The following TPRG1 variants were observed in gnomAD, a reference collection of about 807,000 sequenced individuals.
TPRG1 encodes the protein tumor protein p63-regulated gene 1 protein.
TPRG1 carries 29 observed loss-of-function variants against 29.3 expected under a neutral mutation model. The ratio of observed to expected loss-of-function variants is 0.99; its 90% CI spans 0.74 to 1.35. The LOEUF (loss-of-function observed/expected upper bound fraction) is 1.35, where lower values mean the gene tolerates loss of function less well. Among genes scored for constraint, TPRG1 ranks in the 40% most tolerant of loss-of-function variants. TPRG1 has a pLI of 0.00. For missense variants in TPRG1, 327 were observed against 335.0 expected (o/e 0.98, Z 0.19); for synonymous variants, 130 against 116.8 (o/e 1.11, Z -0.73).
chr3:189,131,518 C>G (rs1260456288), intron 2 of TPRG1, among the ~76,000 whole-genome samples: 3 of 152,188 alleles, frequency 2.0e-5, no homozygotes, highest in Non-Finnish European at 4.4e-5. Flanking sequence ...ATTCTTCTCA[C>G]AAATGCAGTA....
chr3:189,324,573 C>G lies in TPRG1; in HGVS notation c.*3753C>G, dbSNP rs936809148. On this transcript the variant is annotated 3_prime_UTR_variant, in exon 6 of 6. Coordinates refer to ENST00000345063, the MANE Select transcript of TPRG1 (RefSeq NM_198485.4). ...GATTTCCTATCTGATAAAAAAAGCC[C>G]AAACAAAGCTGCGGAAGCTGGCAGA... 8 of 152,092 alleles carry G rather than the reference C, an allele frequency of 5.3e-5. No individual in the cohort carries two copies. The highest frequency in any genetic ancestry group is 1.9e-4 in the African/African-American group (8 of 41,418). 9.4% of individuals were successfully genotyped at this position (152,092 alleles called of 1,614,324 possible).
chr3:189,253,203 A>AC (rs1182642663), intron 4 of TPRG1, among the ~76,000 whole-genome samples: 2 of 151,112 alleles, frequency 1.3e-5, no homozygotes, highest in African/African-American at 4.9e-5. Context: ...CAGGCCCCTC[A>AC]CCCCCCAACT....
intron 3 of TPRG1, among the ~76,000 whole-genome samples, chr3:189,134,017 T>G (rs1051700553): frequency 6.6e-6 from 1 of 152,142 alleles, no homozygotes; most frequent in African/African-American, 2.4e-5. Context: ...ACTGCAGGCT[T>G]TATTGCTGCT....
chr3:189,142,917 A>T (rs891654460), intron 3 of TPRG1, among the ~76,000 whole-genome samples: 3 of 152,316 alleles, frequency 2.0e-5, no homozygotes, highest in South Asian at 4.1e-4. Context: ...ATATATTTTT[A>T]AAAACTTTCA....
intron 1 of TPRG1, among the ~76,000 whole-genome samples, chr3:189,126,302 A>G (rs1367159102): frequency 6.6e-6 from 1 of 152,202 alleles, no homozygotes; most frequent in African/African-American, 2.4e-5. Context: ...TATTAAAAAA[A>G]TACCACTCTG....
Position 189,312,207 on chromosome 3 carries a change from TTC to T in TPRG1, c.633+1670_633+1671del, listed in dbSNP as rs1170848165. ...TTTTTTTCTTTCTTTCTTTCTTTCTTTCTTTCTTTCTTAAGACGGAGTCTCGC... is the reference window on the plus strand; with the variant it reads ...TTTTTTTCTTTCTTTCTTTCTTTCTTTTTCTTTCTTAAGACGGAGTCTCGC... On this transcript the variant is annotated intron_variant, in intron 5 of 5. Coordinates refer to ENST00000345063, the MANE Select transcript of TPRG1 (RefSeq NM_198485.4). 1.0e-4 allele frequency among the ~76,000 whole-genome samples: 10 copies of T among 96,474 alleles called. 1 individual carries two copies. The highest frequency in any genetic ancestry group is 4.7e-3 in the Middle Eastern group (1 of 212). The allele number at this position is 96,474 out of a possible 152,430, so 63.3% of individuals were successfully genotyped here. A position where few individuals can be genotyped will look rare whatever the true frequency, so the allele number is the denominator to read the frequency against.
intron 4 of TPRG1, among the ~76,000 whole-genome samples, chr3:189,258,028 A>T (rs1712220857): frequency 6.6e-6 from 1 of 152,134 alleles, no homozygotes; most frequent in African/African-American, 2.4e-5. Context: ...TTCTCAGTCC[A>T]GTTTTGTTCC....
chr3:189,006,692 C>A (rs1315205567), intron 3 of TPRG1, among the ~76,000 whole-genome samples: 1 of 152,046 alleles, frequency 6.6e-6, no homozygotes, highest in African/African-American at 2.4e-5. Flanking sequence ...ACTGTCATCA[C>A]AATCATTACA....
At chr3:189,011,070 T>C (rs1712571512) in intron 3 of TPRG1, among the ~76,000 whole-genome samples, 1 of 152,130 alleles carries the variant, frequency 6.6e-6, no homozygotes, top group African/African-American at 2.4e-5. Context: ...GATCAGATGG[T>C]TATAGGTGTG....
intron 3 of TPRG1, among the ~76,000 whole-genome samples, chr3:189,224,729 A>G (rs549460062): frequency 6.6e-6 from 1 of 152,192 alleles, no homozygotes; most frequent in East Asian, 1.9e-4. Context: ...TCCATAGGCC[A>G]TTTCCACTCT....
intron 5 of TPRG1, among the ~76,000 whole-genome samples, chr3:189,159,444 C>T (rs182956952): frequency 3.0e-4 from 46 of 151,930 alleles, no homozygotes; most frequent in Admixed American, 2.3e-3. Context: ...AGAATTGAGG[C>T]GAAAGTGAGA....
intron 3 of TPRG1, chr3:189,147,462 T>A (rs1325531144): frequency 6.6e-6 from 1 of 152,262 alleles, no homozygotes; most frequent in Non-Finnish European, 1.5e-5. Context: ...CAGAGGAAAT[T>A]ACAAAATAGC....
At chr3:189,156,290 G>A (rs191045889) in intron 5 of TPRG1, among the ~76,000 whole-genome samples, 261 of 151,918 alleles carry the variant, frequency 1.7e-3, no homozygotes, top group Non-Finnish European at 2.8e-3. Context: ...CAAAGAAAAG[G>A]TTTTTCTCTT....
At chr3:189,279,773 A>G (rs1010666659) in intron 4 of TPRG1, among the ~76,000 whole-genome samples, 3 of 152,178 alleles carry the variant, frequency 2.0e-5, no homozygotes, top group African/African-American at 7.2e-5. Context: ...GAATACCCTG[A>G]CTACTAATTC....
chr3:189,269,823 C>A (rs1272354503), intron 4 of TPRG1, among the ~76,000 whole-genome samples: 1 of 152,090 alleles, frequency 6.6e-6, no homozygotes, highest in Non-Finnish European at 1.5e-5. Context: ...GATGGGTAAA[C>A]AGCTAAGGAG....
chr3:189,087,918 T>C (rs144207028), intron 4 of TPRG1, among the ~76,000 whole-genome samples: 1,910 of 152,292 alleles, frequency 0.013, 42 homozygotes, highest in African/African-American at 0.042. Context: ...AGCCTTGTAG[T>C]ATAGTTTGAA....
At chr3:189,058,549 A>C (rs1322578910) in intron 4 of TPRG1, among the ~76,000 whole-genome samples, 1 of 152,208 alleles carries the variant, frequency 6.6e-6, no homozygotes, top group African/African-American at 2.4e-5. Flanking sequence ...AAGTCATTGG[A>C]TCAAGGGATT....
chr3:189,173,161 G>T (rs1355587196), intron 1 of TPRG1, among the ~76,000 whole-genome samples: 3 of 151,882 alleles, frequency 2.0e-5, no homozygotes, highest in Non-Finnish European at 4.4e-5. Context: ...ATCATTCTTA[G>T]TTGTGGAAGG....
chr3:189,104,077 G>A (rs1005015120), intron 1 of TPRG1, among the ~76,000 whole-genome samples: 1 of 152,170 alleles, frequency 6.6e-6, no homozygotes, highest in Non-Finnish European at 1.5e-5. Context: ...GAACGAAAGA[G>A]GTACTGTTCC....
Sources: allele counts gnomAD v4.1 joint callset (sites outside exome capture counted in the v4.1 genomes callset), GRCh38; gene constraint gnomAD v4.1.1; transcripts MANE v1.5; gene names NCBI Gene and HGNC (gene_info 2026-07-23, HGNC 2026-07-21).